Variants in ABL2 observed in about 807,000 individuals in gnomAD.
ABL2 encodes the protein ABL proto-oncogene 2, non-receptor tyrosine kinase, also known as tyrosine-protein kinase ABL2.
Under a neutral mutation model 107.7 loss-of-function variants are expected in ABL2, and 49 were observed. The observed-to-expected ratio is 0.45, with a 90% CI of 0.36 to 0.58. The LOEUF (loss-of-function observed/expected upper bound fraction) is 0.58. Ranked by LOEUF, ABL2 falls within the 20% of genes least tolerant of loss-of-function variation. The pLI is 0.00. For synonymous variants in ABL2, 549 were observed against 548.6 expected, an observed-to-expected ratio of 1.00 and a Z score of -0.01; for missense variants, 1,245 against 1,457.0, an observed-to-expected ratio of 0.85 and a Z score of 2.37.
chr1:179,219,977 G>A (rs185253364), intron 1 of ABL2, among the ~76,000 whole-genome samples: 72 of 152,294 alleles, frequency 4.7e-4, no homozygotes, highest in Admixed American at 1.1e-3. Context: ...TAAGAGTCTC[G>A]TACAATTTTA....
intron 10 of ABL2, chr1:179,110,982 T>C (rs1489228754): frequency 2.3e-4 from 11 of 46,938 alleles, no homozygotes; most frequent in African/African-American, 1.1e-3. Flanking sequence ...ATTTTTGGCT[T>C]TTTTTTTTTT....
At position 179,211,741 on chromosome 1, in the gene ABL2, G is replaced by T. The variant is rs148540718; in HGVS notation, c.157+17500C>A. Among the ~76,000 whole-genome samples the T allele has an allele frequency of 7.8e-4, 118 of 150,592 alleles. No individual in the cohort carries two copies. The Middle Eastern group carries it at 0.01, about 13-fold the overall frequency. On this transcript the variant is annotated intron_variant, in intron 1 of 11. Coordinates refer to ENST00000502732, the MANE Select transcript of ABL2 (RefSeq NM_007314.4). ...GCGAACCCGGGTGATGGAGGTTGCA[G>T]TGAGCCAAGATCACACCACAGCCTG...
At chr1:179,136,934 G>C (rs531911602) in intron 1 of ABL2, among the ~76,000 whole-genome samples, 43 of 137,352 alleles carry the variant, frequency 3.1e-4, no homozygotes, top group African/African-American at 1.0e-3. Flanking sequence ...AAAAAAAAAG[G>C]CTTCATAACT....
chr1:179,216,230 A>AT, intron 1 of ABL2, among the ~76,000 whole-genome samples: 2 of 152,342 alleles, frequency 1.3e-5, no homozygotes, highest in Middle Eastern at 6.8e-3. Flanking sequence ...CTGTTTTCAT[A>AT]TTTTTAAGCA....
intron 1 of ABL2, among the ~76,000 whole-genome samples, chr1:179,158,011 T>C (rs1658813517): frequency 1.3e-5 from 2 of 152,206 alleles, no homozygotes; most frequent in South Asian, 4.1e-4. Flanking sequence ...TCAGTTTTGC[T>C]AGATTTCCAC....
chr1:179,110,038 T>A (rs937104818), intron 11 of ABL2, among the ~76,000 whole-genome samples: 1 of 152,098 alleles, frequency 6.6e-6, no homozygotes, highest in African/African-American at 2.4e-5. Flanking sequence ...CTCTATCGGG[T>A]TCAGCGAAGT....
chr1:179,189,570 T>C (rs905484673), intron 1 of ABL2, among the ~76,000 whole-genome samples: 1 of 152,214 alleles, frequency 6.6e-6, no homozygotes, highest in South Asian at 2.1e-4. Context: ...GAAGTCGTTA[T>C]GTACATTCAT....
chr1:179,117,107 T>C (rs1041743262), intron 8 of ABL2: 6 of 543,478 alleles, frequency 1.1e-5, no homozygotes, highest in African/African-American at 9.5e-5. Context: ...AGTGCTGTAA[T>C]TACAAACGTG....
At chr1:179,212,195 T>G (rs1476221256) in intron 1 of ABL2, among the ~76,000 whole-genome samples, 6 of 152,158 alleles carry the variant, frequency 3.9e-5, no homozygotes, top group African/African-American at 1.4e-4. Flanking sequence ...AGAAACTGCC[T>G]CCATGATTCA....
chr1:179,144,391 T>C (rs530144219), intron 1 of ABL2, among the ~76,000 whole-genome samples: 3 of 151,920 alleles, frequency 2.0e-5, no homozygotes, highest in Non-Finnish European at 4.4e-5. Context: ...ACCCAGGAGG[T>C]GCAGCTTGCA....
At position 179,136,083 on chromosome 1, in the gene ABL2, G is replaced by GA. The variant is rs567454812; in HGVS notation, c.158-2710_158-2709insT. Among the ~76,000 whole-genome samples the GA allele has an allele frequency of 6.5e-3, 920 of 141,396 alleles. 15 individuals are homozygous for GA. Among genetic ancestry groups the GA allele is most frequent in the African/African-American group, 0.023 (875 of 38,820 alleles). The allele number at this position is 141,396 out of a possible 152,430, so 92.8% of individuals were successfully genotyped here. On this transcript the variant is annotated intron_variant, in intron 1 of 11. Transcript: ENST00000502732. ...GCCAGCCGCCCCGTCCAGGAGGGAG[G>GA]TGGGGGGGGTCAGCCCCCCGTCCGG...
At chr1:179,172,884 T>C (rs563248872) in intron 1 of ABL2, among the ~76,000 whole-genome samples, 118 of 152,252 alleles carry the variant, frequency 7.8e-4, no homozygotes, top group African/African-American at 2.7e-3. Flanking sequence ...TGAGTATTTA[T>C]AAACTATTAA....
At chr1:179,137,781 G>A (rs1657176131) in intron 1 of ABL2, 1 of 152,166 alleles carries the variant, frequency 6.6e-6, no homozygotes, top group Admixed American at 6.5e-5. Flanking sequence ...GCAGCTTCCT[G>A]GGCTCACACA....
At chr1:179,175,054 A>G (rs1659970354) in intron 1 of ABL2, among the ~76,000 whole-genome samples, 1 of 151,864 alleles carries the variant, frequency 6.6e-6, no homozygotes, top group Non-Finnish European at 1.5e-5. Flanking sequence ...TTAAAAAAAT[A>G]GTATTTTAAA....
intron 1 of ABL2, among the ~76,000 whole-genome samples, chr1:179,134,448 G>T (rs994054154): frequency 2.7e-4 from 41 of 152,242 alleles, no homozygotes; most frequent in Middle Eastern, 3.4e-3. Flanking sequence ...AGGCTGCGTG[G>T]AGCCTGCTTG....
At chr1:179,124,335 T>C (rs1655524187) in intron 4 of ABL2, among the ~76,000 whole-genome samples, 1 of 152,020 alleles carries the variant, frequency 6.6e-6, no homozygotes, top group African/African-American at 2.4e-5. Context: ...AACTCACCCA[T>C]GTAAACATCA....
At position 179,107,598 on chromosome 1, in the gene ABL2, C is replaced by T; in HGVS notation, c.*120G>A. 2 of 1,493,730 alleles carry T rather than the reference C, an allele frequency of 1.3e-6. No individual in the cohort carries two copies. Among genetic ancestry groups the T allele is most frequent in the South Asian group, 2.8e-5 (2 of 71,668 alleles). The allele number at this position is 1,493,730 out of a possible 1,614,324, so 92.5% of individuals were successfully genotyped here. A position where few individuals can be genotyped will look rare whatever the true frequency, so the allele number is the denominator to read the frequency against. ...CGTGAGAACTCAGGGATCTGAGGTA[C>T]TTCACATAAACACACTCAAGTATGA... On this transcript the variant is annotated 3_prime_UTR_variant, in exon 12 of 12. Coordinates refer to ENST00000502732, the MANE Select transcript of ABL2 (RefSeq NM_007314.4).
chr1:179,132,942 T>C (rs1426602909), intron 2 of ABL2, among the ~76,000 whole-genome samples: 1 of 151,824 alleles, frequency 6.6e-6, no homozygotes, highest in Non-Finnish European at 1.5e-5. Flanking sequence ...CACTGCAACC[T>C]TCACGTCCTA....
chr1:179,182,232 C>T (rs1306812774), intron 1 of ABL2, among the ~76,000 whole-genome samples: 1 of 152,042 alleles, frequency 6.6e-6, no homozygotes, highest in African/African-American at 2.4e-5. Flanking sequence ...TGCAGAACCA[C>T]AAGCTGGGTA....
Sources: allele counts gnomAD v4.1 joint callset (sites outside exome capture counted in the v4.1 genomes callset), GRCh38; gene constraint gnomAD v4.1.1; transcripts MANE v1.5; gene names NCBI Gene and HGNC (gene_info 2026-07-23, HGNC 2026-07-21).